Variants in RAB23 observed in about 807,000 individuals in gnomAD.
The protein encoded by RAB23 is RAB23, member RAS oncogene family.
A neutral mutation model predicts 30.0 loss-of-function variants in RAB23; 15 were observed. That is an observed-to-expected ratio of 0.50 (90% CI 0.33 to 0.77). The LOEUF (loss-of-function observed/expected upper bound fraction) is 0.77, where lower values mean the gene tolerates loss of function less well. RAB23 is among the 30% of genes least tolerant of loss of function. The probability of loss-of-function intolerance (pLI) is 0.02; values close to 1 mark genes in which losing one functional copy is unlikely to be tolerated. For missense variants in RAB23, 243 were observed against 275.4 expected (o/e 0.88, Z 0.83); for synonymous variants, 93 against 94.0 (o/e 0.99, Z 0.06).
In RAB23 at chr6:57,187,444, T is replaced by TAAC. The variant is rs963867414; in HGVS notation, c.*3014_*3016dup. ...GTGACAATAGTACATGTGACATTCT[T>TAAC]AACAGTTAAAAACTGAGTAAGTCCT... On this transcript the variant is annotated 3_prime_UTR_variant, in exon 7 of 7. Transcript: ENST00000468148. The TAAC allele has an allele frequency of 6.6e-6, 1 of 152,188 alleles. No individual in the cohort carries two copies. The highest frequency in any genetic ancestry group is 2.1e-4 in the South Asian group (1 of 4,832). 9.4% of individuals were successfully genotyped at this position (152,188 alleles called of 1,614,324 possible). A position where few individuals can be genotyped will look rare whatever the true frequency, so the allele number is the denominator to read the frequency against.
In RAB23 at chr6:57,188,466, A is replaced by G. The variant is rs1764697477; in HGVS notation, c.*1995T>C. 1 of 152,214 alleles carries G rather than the reference A, an allele frequency of 6.6e-6. No individual in the cohort carries two copies. The allele number at this position is 152,214 out of a possible 1,614,324, so 9.4% of individuals were successfully genotyped here. A position where few individuals can be genotyped will look rare whatever the true frequency, so the allele number is the denominator to read the frequency against. ...AGAAAGGTAACACGCTTTTAGCCAC[A>G]CAGCTAACATGAAAAAGAACTAACT... On this transcript the variant is annotated 3_prime_UTR_variant, in exon 7 of 7. Coordinates refer to ENST00000468148, the MANE Select transcript of RAB23 (RefSeq NM_016277.5).
chr6:57,204,989 CAT>C (rs1161410219), intron 3 of RAB23, among the ~76,000 whole-genome samples: 3 of 151,172 alleles, frequency 2.0e-5, no homozygotes, highest in African/African-American at 7.3e-5. Context: ...CATATGTGTA[CAT>C]ATGTACAGAC....
chr6:57,194,950 AG>A, intron 4 of RAB23, 98 bp from the exon 5 acceptor site: 1 of 825,368 alleles, frequency 1.2e-6, no homozygotes, highest in Non-Finnish European at 2.0e-6. Context: ...ACAGTTTGGC[AG>A]GGAAGGGAGG....
rs772574046 is a variant in RAB23, at chr6:57,221,844, G to A, written c.-184C>T. The A allele has an allele frequency of 6.6e-6, 1 of 152,530 alleles. No homozygotes were observed. Among genetic ancestry groups the A allele is most frequent in the African/African-American group, 2.4e-5 (1 of 41,478 alleles). The allele number at this position is 152,530 out of a possible 1,614,324, so 9.4% of individuals were successfully genotyped here. ...GCTCGGCGGTCCGAACCGGGGGATGGGGGAGCCGGGCCGGGAGGCCCCTGC... is the reference window on the plus strand; with the variant it reads ...GCTCGGCGGTCCGAACCGGGGGATGAGGGAGCCGGGCCGGGAGGCCCCTGC... On this transcript the variant is annotated 5_prime_UTR_variant, in exon 1 of 7. Coordinates refer to ENST00000468148, the MANE Select transcript of RAB23 (RefSeq NM_016277.5).
At chr6:57,205,805 T>C (rs1295143526) in intron 3 of RAB23, among the ~76,000 whole-genome samples, 2 of 152,210 alleles carry the variant, frequency 1.3e-5, no homozygotes, top group African/African-American at 4.8e-5. Flanking sequence ...GTGTATATGA[T>C]GCTGAAGAGT....
At chr6:57,207,558 A>T in intron 3 of RAB23, 70 bp downstream of exon 3, 1 of 1,142,194 alleles carries the variant, frequency 8.8e-7, no homozygotes, top group Non-Finnish European at 1.3e-6. Flanking sequence ...GGAAACAAAG[A>T]AAGCAAAATT....
rs1220583248 is a variant in RAB23, at chr6:57,188,169, A to AGAG, written c.*2289_*2291dup. ...GGTTTCATAAAATTAAAGTTATTTA[A>AGAG]GAGAATGAAGGGTCTTGGAAAAAAA... is the stretch of plus-strand genomic sequence containing the variant. On this transcript the variant is annotated 3_prime_UTR_variant, in exon 7 of 7. Coordinates refer to ENST00000468148, the MANE Select transcript of RAB23 (RefSeq NM_016277.5). 1 of 152,200 alleles carries AGAG rather than the reference A, an allele frequency of 6.6e-6. No homozygotes were observed. The highest frequency in any genetic ancestry group is 2.4e-5 in the African/African-American group (1 of 41,458). 9.4% of individuals were successfully genotyped at this position (152,200 alleles called of 1,614,324 possible). A position where few individuals can be genotyped will look rare whatever the true frequency, so the allele number is the denominator to read the frequency against.
intron 4 of RAB23, among the ~76,000 whole-genome samples, chr6:57,195,467 C>T (rs750560885): frequency 3.2e-4 from 49 of 152,308 alleles, no homozygotes; most frequent in Non-Finnish European, 5.9e-4. Flanking sequence ...ATTTCTCTGG[C>T]TTCTGGTCTT....
chr6:57,211,470 T>C (rs2031330106), intron 1 of RAB23, among the ~76,000 whole-genome samples: 1 of 151,654 alleles, frequency 6.6e-6, no homozygotes, highest in South Asian at 2.1e-4. Flanking sequence ...TAAAAAAAAT[T>C]AAAATAAAAT....
Position 57,189,619 on chromosome 6 carries a change from C to T in RAB23, c.*842G>A, listed in dbSNP as rs942075699. 24 of 152,576 alleles carry T rather than the reference C, an allele frequency of 1.6e-4. No homozygotes were observed. Among genetic ancestry groups the T allele is most frequent in the African/African-American group, 5.8e-4 (24 of 41,446 alleles). The allele number at this position is 152,576 out of a possible 1,614,324, so 9.5% of individuals were successfully genotyped here. On this transcript the variant is annotated 3_prime_UTR_variant, in exon 7 of 7. Transcript: ENST00000468148. ...AAGGCTCACCTGGGAGATGCTCTAG[C>T]ATTCAAATTCCTATACTCCTCTTTT...
At chr6:57,203,203 A>C (rs1032943549) in intron 3 of RAB23, among the ~76,000 whole-genome samples, 1 of 151,898 alleles carries the variant, frequency 6.6e-6, no homozygotes, top group Non-Finnish European at 1.5e-5. Context: ...ACGTGGTTTC[A>C]CCATATTGGC....
At chr6:57,190,649 A>G (rs1764807084) in intron 6 of RAB23, 49 bp from the exon 7 acceptor site, 1 of 1,588,920 alleles carries the variant, frequency 6.3e-7, no homozygotes, top group African/African-American at 1.3e-5. Flanking sequence ...CGCCTGAGTT[A>G]CCTGTTGCAT....
intron 1 of RAB23, among the ~76,000 whole-genome samples, chr6:57,218,840 T>A (rs1371380568): frequency 6.8e-6 from 1 of 146,292 alleles, no homozygotes; most frequent in Admixed American, 7.0e-5. Flanking sequence ...GGTGACAGAG[T>A]GAGATTCTGT....
At chr6:57,195,447 G>T (rs764043075) in intron 4 of RAB23, among the ~76,000 whole-genome samples, 2 of 152,148 alleles carry the variant, frequency 1.3e-5, no homozygotes, top group Non-Finnish European at 2.9e-5. Flanking sequence ...ATGCCCCATA[G>T]GCTCCCGCTA....
At chr6:57,194,652 A>G in intron 5 of RAB23, 118 bp downstream of exon 5, 1 of 713,976 alleles carries the variant, frequency 1.4e-6, no homozygotes, top group Non-Finnish European at 2.4e-6. Context: ...ATTCTACTTA[A>G]TGTTAGGTGA....
intron 3 of RAB23, 143 bp from the exon 4 acceptor site, chr6:57,196,749 A>G (rs1765037488): frequency 1.1e-6 from 1 of 927,436 alleles, no homozygotes; most frequent in African/African-American, 1.7e-5. Flanking sequence ...TGTTGAACTC[A>G]TCTTTGTACT....
intron 2 of RAB23, among the ~76,000 whole-genome samples, chr6:57,208,982 CAT>C (rs996770528): frequency 9.2e-5 from 14 of 152,100 alleles, no homozygotes; most frequent in African/African-American, 3.1e-4. Flanking sequence ...GCTTATCTAA[CAT>C]ATTTATTTTT....
rs764774207 is a variant in RAB23 at position 57,196,587 on chromosome 6, G to T, written c.261C>A (p.Leu87=). The T allele has an allele frequency of 1.2e-6, 2 of 1,613,684 alleles. No individual in the cohort carries two copies. The highest frequency in any genetic ancestry group is 1.3e-5 in the African/African-American group (1 of 74,874). ...AYYRGAQACV[L]VFSTTDRESF... ...ATTCCCTATCTGTGGTAGAGAACAC[G>T]AGCACACAAGCCTGGGCTCCTGTAA... The change falls in exon 4 of 7, where the codon CTC becomes CTA. Residue 87 remains leucine, a synonymous_variant. Transcript: ENST00000468148.
chr6:57,190,097 G>A lies in RAB23; in HGVS notation c.*364C>T, dbSNP rs1271376581. On this transcript the variant is annotated 3_prime_UTR_variant, in exon 7 of 7. Transcript: ENST00000468148. ...GACCAATTTCAGGAAAAGAATGCTTGCTATCTTTCCTTGATCCACAGTATT... is the reference window on the plus strand; with the variant it reads ...GACCAATTTCAGGAAAAGAATGCTTACTATCTTTCCTTGATCCACAGTATT... 1 of 217,700 alleles carries A rather than the reference G, an allele frequency of 4.6e-6. No individual in the cohort carries two copies. The highest frequency in any genetic ancestry group is 2.3e-5 in the African/African-American group (1 of 42,860). 13.5% of individuals were successfully genotyped at this position (217,700 alleles called of 1,614,324 possible).
Sources: gnomAD v4.1 joint callset for allele counts (sites outside exome capture counted in the v4.1 genomes callset) on GRCh38, gnomAD v4.1.1 for gene constraint, MANE v1.5 for transcripts, NCBI Gene and HGNC (gene_info 2026-07-23, HGNC 2026-07-21) for gene names.